The following NDST3 variants were observed in gnomAD, a reference collection of about 807,000 sequenced individuals.
The protein encoded by NDST3 is N-deacetylase and N-sulfotransferase 3.
In NDST3, 58 loss-of-function variants were observed where a neutral mutation model predicts 96.1. That is an observed-to-expected ratio of 0.60 (90% confidence interval 0.49 to 0.75). The LOEUF (loss-of-function observed/expected upper bound fraction) is 0.75, where lower values mean the gene tolerates loss of function less well. Ranked by LOEUF, NDST3 falls within the 30% of genes least tolerant of loss-of-function variation. The pLI is 0.00. For synonymous variants in NDST3, 333 were observed against 359.7 expected, an observed-to-expected ratio of 0.93 and a Z score of 0.84; for missense variants, 788 against 1,034.2, an observed-to-expected ratio of 0.76 and a Z score of 3.27.
chr4:118,111,779 T>G (rs191081647), intron 3 of NDST3, among the ~76,000 whole-genome samples: 1 of 152,244 alleles, frequency 6.6e-6, no homozygotes, highest in Admixed American at 6.5e-5. Flanking sequence ...AGAAGGCAGA[T>G]ATCATTTGTC....
intron 6 of NDST3, among the ~76,000 whole-genome samples, chr4:118,162,802 C>T (rs1297846165): frequency 2.7e-5 from 4 of 148,668 alleles, no homozygotes; most frequent in African/African-American, 7.4e-5. Context: ...CTACCATCAG[C>T]GTGAACAGGC....
rs1258020301 is a variant in NDST3, at chr4:118,207,991, A to G, written c.1540-16500A>G. On this transcript the variant is annotated intron_variant, in intron 6 of 13. Coordinates refer to ENST00000296499, the MANE Select transcript of NDST3 (RefSeq NM_004784.3). ...AAGGGTTAACATTTTTAGAAAGGAAACATTTATAAACCCTAGTTCTTTTTA... is the reference window on the plus strand; with the variant it reads ...AAGGGTTAACATTTTTAGAAAGGAAGCATTTATAAACCCTAGTTCTTTTTA... Among the ~76,000 whole-genome samples the G allele has an allele frequency of 2.1e-5, 3 of 144,370 alleles. 1 individual carries two copies. Among genetic ancestry groups the G allele is most frequent in the African/African-American group, 5.1e-5 (2 of 39,066 alleles). 94.7% of individuals were successfully genotyped at this position (144,370 alleles called of 152,430 possible).
chr4:118,152,732 C>T (rs1383789140), intron 6 of NDST3, among the ~76,000 whole-genome samples: 3 of 152,134 alleles, frequency 2.0e-5, no homozygotes, highest in Admixed American at 1.3e-4. Flanking sequence ...AATTAATATT[C>T]CTTCAAAAAA....
intron 6 of NDST3, among the ~76,000 whole-genome samples, chr4:118,213,485 A>C (rs1043281274): frequency 3.9e-5 from 6 of 152,198 alleles, no homozygotes; most frequent in African/African-American, 1.4e-4. Context: ...TACAACAATA[A>C]AAATTATGAG....
At chr4:118,077,206 G>C (rs1727619092) in intron 2 of NDST3, among the ~76,000 whole-genome samples, 1 of 152,138 alleles carries the variant, frequency 6.6e-6, no homozygotes, top group South Asian at 2.1e-4. Context: ...TCTGATGGGG[G>C]GGTGCCAGCC....
chr4:118,177,051 GT>G (rs574398344), intron 6 of NDST3, among the ~76,000 whole-genome samples: 56 of 152,038 alleles, frequency 3.7e-4, no homozygotes, highest in Middle Eastern at 3.4e-3. Context: ...CCATAAGACA[GT>G]AATAAGCAAA....
At chr4:118,141,204 T>C (rs1464977439) in intron 5 of NDST3, among the ~76,000 whole-genome samples, 2 of 152,200 alleles carry the variant, frequency 1.3e-5, no homozygotes, top group Admixed American at 6.5e-5. Context: ...TTCATCGGCA[T>C]CTCAAAGTTT....
intron 1 of NDST3, among the ~76,000 whole-genome samples, chr4:118,051,786 G>A (rs1450376550): frequency 6.6e-6 from 1 of 152,024 alleles, no homozygotes; most frequent in African/African-American, 2.4e-5. Flanking sequence ...ATGAAAAAAT[G>A]TTCATCATCA....
intron 6 of NDST3, among the ~76,000 whole-genome samples, chr4:118,159,206 A>C (rs1435119888): frequency 1.3e-5 from 2 of 152,240 alleles, no homozygotes; most frequent in African/African-American, 4.8e-5. Context: ...TCTGTCTCCA[A>C]GTGCTGACAG....
In NDST3 at chr4:118,054,045, G is replaced by A. The variant is rs1725251781; in HGVS notation, c.135G>A (p.Glu45=). The A allele has an allele frequency of 6.2e-7, 1 of 1,612,908 alleles. No homozygotes were observed. Among genetic ancestry groups the A allele is most frequent in the Non-Finnish European group, 8.5e-7 (1 of 1,179,264 alleles). Reference sequence around the variant, plus strand: ...ACAAACAGGAAAATGAACTCTCTGAGACGGCTTCAGAAGTTGACTGTGGCG... The same window carrying A: ...ACAAACAGGAAAATGAACTCTCTGAAACGGCTTCAGAAGTTGACTGTGGCG... ...SGYKQENELS[E]TASEVDCGDL... The change falls in exon 2 of 14, where the codon GAG becomes GAA. Residue 45 remains glutamate (E), a synonymous_variant. Transcript: ENST00000296499.
chr4:118,159,423 C>T (rs1480262118), intron 6 of NDST3, among the ~76,000 whole-genome samples: 2 of 152,176 alleles, frequency 1.3e-5, no homozygotes, highest in Non-Finnish European at 2.9e-5. Flanking sequence ...CTCAGAATCT[C>T]TTACTTGGCT....
chr4:118,097,905 T>C (rs758468782), intron 2 of NDST3, among the ~76,000 whole-genome samples: 1 of 151,902 alleles, frequency 6.6e-6, no homozygotes, highest in Non-Finnish European at 1.5e-5. Flanking sequence ...GACATCACGC[T>C]GGGTTTTGGG....
intron 3 of NDST3, among the ~76,000 whole-genome samples, chr4:118,112,303 A>C (rs950263317): frequency 1.3e-5 from 2 of 152,214 alleles, no homozygotes; most frequent in African/African-American, 2.4e-5. Flanking sequence ...AGGCCAACTA[A>C]AAAAACATGA....
At chr4:118,126,648 G>A (rs575588092) in intron 4 of NDST3, among the ~76,000 whole-genome samples, 18 of 151,594 alleles carry the variant, frequency 1.2e-4, no homozygotes, top group South Asian at 6.2e-4. Context: ...GTGCTGCAAC[G>A]AACATGAGAG....
rs1230363302 is a variant in NDST3, at chr4:118,114,795, C to CG, written c.1070-11_1070-10insG. The CG allele has an allele frequency of 1.2e-6, 2 of 1,612,100 alleles. No individual in the cohort carries two copies. The highest frequency in any genetic ancestry group is 1.7e-6 in the Non-Finnish European group (2 of 1,178,982). On this transcript the variant is annotated splice_polypyrimidine_tract_variant and intron_variant, in intron 3 of 13. Coordinates refer to ENST00000296499, the MANE Select transcript of NDST3 (RefSeq NM_004784.3). ...ACTGGAATTAATTGGATAATATTTCCCCCCCTAAAGGAACTGAAGAGGAAG... is the reference window on the plus strand; with the variant it reads ...ACTGGAATTAATTGGATAATATTTCCGCCCCCTAAAGGAACTGAAGAGGAAG...
rs550128042 is a variant in NDST3 at position 118,250,825 on chromosome 4, T to C, written c.2400-2674T>C. ...GCAGTTTTTATTGATATTTTTATCT[T>C]TTATAGTGAGTTATATATTCCAAAT... is the stretch of plus-strand genomic sequence containing the variant. On this transcript the variant is annotated intron_variant, in intron 12 of 13. Coordinates refer to ENST00000296499, the MANE Select transcript of NDST3 (RefSeq NM_004784.3). Among the ~76,000 whole-genome samples, 3 of 152,214 alleles carry C rather than the reference T, an allele frequency of 2.0e-5. No individual in the cohort carries two copies. The East Asian group carries it at 5.8e-4, about 29-fold the overall frequency.
chr4:118,245,982 A>G (rs947435651), intron 12 of NDST3, among the ~76,000 whole-genome samples: 1 of 152,170 alleles, frequency 6.6e-6, no homozygotes, highest in Non-Finnish European at 1.5e-5. Flanking sequence ...TTGGCACAGG[A>G]TGTTAGAACC....
At chr4:118,241,719 G>A (rs1362744037) in intron 11 of NDST3, among the ~76,000 whole-genome samples, 1 of 152,148 alleles carries the variant, frequency 6.6e-6, no homozygotes, top group Non-Finnish European at 1.5e-5. Flanking sequence ...TGAATGACAG[G>A]ATCACTGCTT....
Position 118,069,577 on chromosome 4 carries a change from T to G in NDST3, c.981+14686T>G, listed in dbSNP as rs529189195. Among the ~76,000 whole-genome samples the G allele has an allele frequency of 2.3e-3, 344 of 152,132 alleles. 1 individual carries two copies. The highest frequency in any genetic ancestry group is 3.4e-3 in the Middle Eastern group (1 of 294). ...AATGAAAATAATTAATATAGAAAACTACAAAGAAGAAAGCAAAAAGCAATT... is the reference window on the plus strand; with the variant it reads ...AATGAAAATAATTAATATAGAAAACGACAAAGAAGAAAGCAAAAAGCAATT... On this transcript the variant is annotated intron_variant, in intron 2 of 13. Coordinates refer to ENST00000296499, the MANE Select transcript of NDST3 (RefSeq NM_004784.3).
Sources: allele counts gnomAD v4.1 joint callset (sites outside exome capture counted in the v4.1 genomes callset), GRCh38; gene constraint gnomAD v4.1.1; transcripts MANE v1.5; gene names NCBI Gene and HGNC (gene_info 2026-07-23, HGNC 2026-07-21).